H4C8: variants seen among roughly 807,000 people sequenced by gnomAD.
H4C8 encodes the protein histone H4.
A neutral mutation model predicts 6.0 loss-of-function variants in H4C8; 8 were observed. The observed-to-expected ratio is 1.33, with a 90% CI of 0.78 to 2.40. The LOEUF (loss-of-function observed/expected upper bound fraction) is 2.40, where lower values mean the gene tolerates loss of function less well. Ranked by LOEUF, H4C8 falls within the 30% of genes most tolerant of loss-of-function variation. The pLI is 0.00. For synonymous variants in H4C8, 118 were observed against 51.9 expected (o/e 2.27, Z -5.47); for missense variants, 211 against 143.4 (o/e 1.47, Z -2.41).
chr6:26,285,354 C>G lies in H4C8; in HGVS notation c.146G>C (p.Gly49Ala), dbSNP rs1760716499. The change falls in exon 1 of 1, where the codon GGC becomes GCC. Residue 49 changes from glycine to alanine, a missense_variant. Physicochemically the swap from Gly to Ala is moderately conservative, Grantham distance 60. Transcript: ENST00000377727. ...ARRGGVKRIS[G>A]LIYEETRGVL... The stretch of plus-strand genomic sequence containing the variant: ...ACCACGAGTCTCCTCATAGATAAGG[C>G]CAGAAATTCGCTTGACACCGCCGCG... 2 of 1,614,228 alleles carry G rather than the reference C, an allele frequency of 1.2e-6. No individual in the cohort carries two copies. The highest frequency in any genetic ancestry group is 1.3e-5 in the African/African-American group (1 of 75,062).
At position 26,285,389 on chromosome 6, in the gene H4C8, G is replaced by C; in HGVS notation, c.111C>G (p.Arg37=). 3.7e-6 allele frequency: 6 copies of C among 1,614,260 alleles called. No individual in the cohort carries two copies. The highest frequency in any genetic ancestry group is 5.1e-6 in the Non-Finnish European group (6 of 1,180,052). The change falls in exon 1 of 1, where the codon CGC becomes CGG. Residue 37 remains arginine (R), a synonymous_variant. Coordinates refer to ENST00000377727, the MANE Select transcript of H4C8 (RefSeq NM_003543.4). The part of the protein sequence containing the change: ...IQGITKPAIR[R]LARRGGVKRI... The stretch of plus-strand genomic sequence containing the variant: ...GCTTGACACCGCCGCGACGAGCAAG[G>C]CGCCGGATAGCTGGCTTAGTGATGC...
rs752731488 is a variant in H4C8, at chr6:26,285,442, G to A, written c.58C>T (p.Arg20Cys). Residue 20 changes from arginine (R) to cysteine (C), a missense_variant, in exon 1 of 1, where the codon CGC (arginine) becomes TGC (cysteine). Transcript: ENST00000377727. ...TGGATGTTATCGCGCAAAACCTTGCGATGACGCTTAGCTCCTCCCTTACCC... is the reference window on the plus strand; with the variant it reads ...TGGATGTTATCGCGCAAAACCTTGCAATGACGCTTAGCTCCTCCCTTACCC... ...GLGKGGAKRH[R>C]KVLRDNIQGI... is the part of the protein sequence containing the mutation. The A allele has an allele frequency of 3.7e-6, 6 of 1,614,052 alleles. No individual in the cohort carries two copies. The highest frequency in any genetic ancestry group is 4.2e-6 in the Non-Finnish European group (5 of 1,179,992).
chr6:26,285,528 G>GA lies in H4C8; in HGVS notation c.-30dup. On this transcript the variant is annotated 5_prime_UTR_variant, in exon 1 of 1. Transcript: ENST00000377727. ...TAAGCAACTTCTAAAACCAACTTAA[G>GA]AAACCTAAACGCCAAGGCAAAGCAA... 1 of 1,563,454 alleles carries GA rather than the reference G, an allele frequency of 6.4e-7. No homozygotes were observed. Among genetic ancestry groups the GA allele is most frequent in the Non-Finnish European group, 8.7e-7 (1 of 1,150,964 alleles).
chr6:26,285,340 C>T lies in H4C8; in HGVS notation c.160G>A (p.Glu54Lys). 1 of 1,614,226 alleles carries T rather than the reference C, an allele frequency of 6.2e-7. No individual in the cohort carries two copies. Among genetic ancestry groups the T allele is most frequent in the Non-Finnish European group, 8.5e-7 (1 of 1,180,050 alleles). ...AACACCTTCAGAACACCACGAGTCT[C>T]CTCATAGATAAGGCCAGAAATTCGC... is the stretch of plus-strand genomic sequence containing the variant. ...VKRISGLIYEETRGVLKVFLE... is the reference protein window; with the variant it reads ...VKRISGLIYEKTRGVLKVFLE... The change falls in exon 1 of 1, where the codon GAG becomes AAG. Residue 54 changes from glutamate to lysine, a missense_variant. Transcript: ENST00000377727.
In H4C8 at chr6:26,285,425, A is replaced by C. The variant is rs768333448; in HGVS notation, c.75T>G (p.Asp25Glu). Reference sequence around the variant, plus strand: ...CTGGCTTAGTGATGCCCTGGATGTTATCGCGCAAAACCTTGCGATGACGCT... The same window carrying C: ...CTGGCTTAGTGATGCCCTGGATGTTCTCGCGCAAAACCTTGCGATGACGCT... ...GAKRHRKVLR[D>E]NIQGITKPAI... The change falls in exon 1 of 1, where the codon GAT becomes GAG. Residue 25 changes from aspartate (D) to glutamate (E), a missense_variant. By Grantham distance (45) the Asp-to-Glu change is conservative (BLOSUM62 2). Coordinates refer to ENST00000377727, the MANE Select transcript of H4C8 (RefSeq NM_003543.4). 1 of 1,614,258 alleles carries C rather than the reference A, an allele frequency of 6.2e-7. No homozygotes were observed. Among genetic ancestry groups the C allele is most frequent in the Non-Finnish European group, 8.5e-7 (1 of 1,180,044 alleles).
chr6:26,285,481 C>G lies in H4C8; in HGVS notation c.19G>C (p.Gly7Arg), dbSNP rs200373070. The G allele has an allele frequency of 1.9e-6, 3 of 1,605,500 alleles. No individual in the cohort carries two copies. Among genetic ancestry groups the G allele is most frequent in the Middle Eastern group, 1.7e-4 (1 of 6,034 alleles). ...CCTCCCTTACCCAAACCTTTTCCAC[C>G]TTTACCACGGCCAGACATGACTAAG... Reference protein sequence around the residue: MSGRGKGGKGLGKGGAK... With the variant: MSGRGKRGKGLGKGGAK... Residue 7 changes from glycine to arginine, a missense_variant, in exon 1 of 1, where the codon GGT becomes CGT. Physicochemically the swap from Gly to Arg is moderately radical, Grantham distance 125 (BLOSUM62 -2). Coordinates refer to ENST00000377727, the MANE Select transcript of H4C8 (RefSeq NM_003543.4).
At position 26,285,285 on chromosome 6, in the gene H4C8, G is replaced by T. The variant is rs1027007503; in HGVS notation, c.215C>A (p.Thr72Asn). Residue 72 changes from threonine (T) to asparagine (N), a missense_variant, in exon 1 of 1, where the codon ACT (threonine) becomes AAT (asparagine). Physicochemically the swap from Thr to Asn is moderately conservative, Grantham distance 65. Coordinates refer to ENST00000377727, the MANE Select transcript of H4C8 (RefSeq NM_003543.4). ...CTTGCGTTTGGCGTGCTCTGTGTAA[G>T]TGACAGCGTCACGAATCACGTTCTC... ...FLENVIRDAVTYTEHAKRKTV... is the reference protein window; with the variant it reads ...FLENVIRDAVNYTEHAKRKTV... The T allele has an allele frequency of 6.2e-7, 1 of 1,614,242 alleles. No homozygotes were observed.
Position 26,285,398 on chromosome 6 carries a change from A to G in H4C8, c.102T>C (p.Ala34=). The change falls in exon 1 of 1, where the codon GCT becomes GCC. Residue 34 remains alanine, a synonymous_variant. Transcript: ENST00000377727. ...RDNIQGITKP[A]IRRLARRGGV... The stretch of plus-strand genomic sequence containing the variant: ...CGCCGCGACGAGCAAGGCGCCGGAT[A>G]GCTGGCTTAGTGATGCCCTGGATGT... 9 of 1,614,270 alleles carry G rather than the reference A, an allele frequency of 5.6e-6. No individual in the cohort carries two copies. The highest frequency in any genetic ancestry group is 1.1e-5 in the South Asian group (1 of 91,088).
At position 26,285,420 on chromosome 6, in the gene H4C8, A is replaced by G; in HGVS notation, c.80T>C (p.Ile27Thr). 4 of 1,614,238 alleles carry G rather than the reference A, an allele frequency of 2.5e-6. No homozygotes were observed. Among genetic ancestry groups the G allele is most frequent in the Non-Finnish European group, 3.4e-6 (4 of 1,180,028 alleles). Residue 27 changes from isoleucine to threonine, a missense_variant, in exon 1 of 1, where the codon ATC (isoleucine) becomes ACC (threonine). Coordinates refer to ENST00000377727, the MANE Select transcript of H4C8 (RefSeq NM_003543.4). ...KRHRKVLRDN[I>T]QGITKPAIRR... The stretch of plus-strand genomic sequence containing the variant: ...GATAGCTGGCTTAGTGATGCCCTGG[A>G]TGTTATCGCGCAAAACCTTGCGATG...
rs781430067 is a variant in H4C8, at chr6:26,285,251, T to C, written c.249A>G (p.Thr83=). ...TCAGCGCGTAGACCACATCCATTGC[T>C]GTCACGGTCTTGCGTTTGGCGTGCT... is the stretch of plus-strand genomic sequence containing the variant. The part of the protein sequence containing the change: ...YTEHAKRKTV[T]AMDVVYALKR... The change falls in exon 1 of 1, where the codon ACA becomes ACG. Residue 83 remains threonine (T), a synonymous_variant. Coordinates refer to ENST00000377727, the MANE Select transcript of H4C8 (RefSeq NM_003543.4). 1.2e-6 allele frequency: 2 copies of C among 1,613,896 alleles called. No homozygotes were observed. Among genetic ancestry groups the C allele is most frequent in the Non-Finnish European group, 1.7e-6 (2 of 1,179,860 alleles).
rs1472381758 is a variant in H4C8 at position 26,285,326 on chromosome 6, A to C, written c.174T>G (p.Val58=). ...TCACGTTCTCCAGGAACACCTTCAG[A>C]ACACCACGAGTCTCCTCATAGATAA... ...SGLIYEETRG[V]LKVFLENVIR... The change falls in exon 1 of 1, where the codon GTT becomes GTG. Residue 58 remains valine, a synonymous_variant. Coordinates refer to ENST00000377727, the MANE Select transcript of H4C8 (RefSeq NM_003543.4). The C allele has an allele frequency of 6.2e-7, 1 of 1,614,208 alleles. No homozygotes were observed. The highest frequency in any genetic ancestry group is 8.5e-7 in the Non-Finnish European group (1 of 1,180,038).
chr6:26,285,524 T>C lies in H4C8; in HGVS notation c.-25A>G. 1 of 1,565,506 alleles carries C rather than the reference T, an allele frequency of 6.4e-7. No homozygotes were observed. The highest frequency in any genetic ancestry group is 8.7e-7 in the Non-Finnish European group (1 of 1,151,800). The stretch of plus-strand genomic sequence containing the variant: ...TGACTAAGCAACTTCTAAAACCAAC[T>C]TAAGAAACCTAAACGCCAAGGCAAA... On this transcript the variant is annotated 5_prime_UTR_variant, in exon 1 of 1. Transcript: ENST00000377727.
At position 26,285,154 on chromosome 6, in the gene H4C8, G is replaced by T; in HGVS notation, c.*34C>A. ...GCGGCCCTGAAAAGGGCCTTTGGTT[G>T]AAAATGAAAATAAGAGTGCAGCAAG... is the stretch of plus-strand genomic sequence containing the variant. On this transcript the variant is annotated 3_prime_UTR_variant, in exon 1 of 1. Transcript: ENST00000377727. 6.5e-7 allele frequency: 1 copy of T among 1,535,366 alleles called. No individual in the cohort carries two copies. The highest frequency in any genetic ancestry group is 8.8e-7 in the Non-Finnish European group (1 of 1,138,820).
Position 26,285,257 on chromosome 6 carries a change from G to T in H4C8, c.243C>A (p.Thr81=), listed in dbSNP as rs77357982. 3 of 1,613,804 alleles carry T rather than the reference G, an allele frequency of 1.9e-6. No individual in the cohort carries two copies. Among genetic ancestry groups the T allele is most frequent in the African/African-American group, 1.3e-5 (1 of 74,924 alleles). The change falls in exon 1 of 1, where the codon ACC becomes ACA. Residue 81 remains threonine (T), a synonymous_variant. Coordinates refer to ENST00000377727, the MANE Select transcript of H4C8 (RefSeq NM_003543.4). ...VTYTEHAKRK[T]VTAMDVVYAL... ...CGTAGACCACATCCATTGCTGTCACGGTCTTGCGTTTGGCGTGCTCTGTGT... is the reference window on the plus strand; with the variant it reads ...CGTAGACCACATCCATTGCTGTCACTGTCTTGCGTTTGGCGTGCTCTGTGT...
In H4C8 at chr6:26,285,453, G is replaced by T. The variant is rs941941050; in HGVS notation, c.47C>A (p.Ala16Asp). 2 of 1,613,708 alleles carry T rather than the reference G, an allele frequency of 1.2e-6. No homozygotes were observed. Among genetic ancestry groups the T allele is most frequent in the Non-Finnish European group, 1.7e-6 (2 of 1,179,566 alleles). Residue 16 changes from alanine (A) to aspartate (D), a missense_variant, in exon 1 of 1, where the codon GCT becomes GAT. Coordinates refer to ENST00000377727, the MANE Select transcript of H4C8 (RefSeq NM_003543.4). ...GCGCAAAACCTTGCGATGACGCTTA[G>T]CTCCTCCCTTACCCAAACCTTTTCC... is the stretch of plus-strand genomic sequence containing the variant. ...KGGKGLGKGGAKRHRKVLRDN... is the reference protein window; with the variant it reads ...KGGKGLGKGGDKRHRKVLRDN...
Position 26,285,364 on chromosome 6 carries a change from G to T in H4C8, c.136C>A (p.Arg46=). The T allele has an allele frequency of 1.2e-6, 2 of 1,614,220 alleles. No individual in the cohort carries two copies. Among genetic ancestry groups the T allele is most frequent in the Non-Finnish European group, 1.7e-6 (2 of 1,180,054 alleles). ...TCCTCATAGATAAGGCCAGAAATTC[G>T]CTTGACACCGCCGCGACGAGCAAGG... ...RRLARRGGVK[R]ISGLIYEETR... The change falls in exon 1 of 1, where the codon CGA becomes AGA. Residue 46 remains arginine (R), a synonymous_variant. Transcript: ENST00000377727.
chr6:26,285,149 T>C lies in H4C8; in HGVS notation c.*39A>G, dbSNP rs1760706197. 6 of 1,531,704 alleles carry C rather than the reference T, an allele frequency of 3.9e-6. No homozygotes were observed. The highest frequency in any genetic ancestry group is 5.3e-6 in the Non-Finnish European group (6 of 1,137,250). 94.9% of individuals were successfully genotyped at this position (1,531,704 alleles called of 1,614,324 possible). On this transcript the variant is annotated 3_prime_UTR_variant, in exon 1 of 1. Coordinates refer to ENST00000377727, the MANE Select transcript of H4C8 (RefSeq NM_003543.4). ...AGTGGGCGGCCCTGAAAAGGGCCTT[T>C]GGTTGAAAATGAAAATAAGAGTGCA... is the stretch of plus-strand genomic sequence containing the variant.
In H4C8 at chr6:26,285,385, C is replaced by A. The variant is rs769287159; in HGVS notation, c.115G>T (p.Ala39Ser). 1.2e-6 allele frequency: 2 copies of A among 1,614,264 alleles called. No individual in the cohort carries two copies. The highest frequency in any genetic ancestry group is 1.1e-5 in the South Asian group (1 of 91,082). Residue 39 changes from alanine (A) to serine (S), a missense_variant, in exon 1 of 1, where the codon GCT becomes TCT. Coordinates refer to ENST00000377727, the MANE Select transcript of H4C8 (RefSeq NM_003543.4). ...ATTCGCTTGACACCGCCGCGACGAG[C>A]AAGGCGCCGGATAGCTGGCTTAGTG... The part of the protein sequence containing the change: ...GITKPAIRRL[A>S]RRGGVKRISG...
chr6:26,285,264 C>A lies in H4C8; in HGVS notation c.236G>T (p.Arg79Leu). Residue 79 changes from arginine (R) to leucine (L), a missense_variant, in exon 1 of 1, where the codon CGC becomes CTC. Coordinates refer to ENST00000377727, the MANE Select transcript of H4C8 (RefSeq NM_003543.4). ...CACATCCATTGCTGTCACGGTCTTG[C>A]GTTTGGCGTGCTCTGTGTAAGTGAC... Reference protein sequence around the residue: ...DAVTYTEHAKRKTVTAMDVVY... With the variant: ...DAVTYTEHAKLKTVTAMDVVY... 1 of 1,614,098 alleles carries A rather than the reference C, an allele frequency of 6.2e-7. No homozygotes were observed. Among genetic ancestry groups the A allele is most frequent in the South Asian group, 1.1e-5 (1 of 91,076 alleles).
Sources: allele counts gnomAD v4.1 joint callset, GRCh38; gene constraint gnomAD v4.1.1; transcripts MANE v1.5; gene names NCBI Gene and HGNC (gene_info 2026-07-23, HGNC 2026-07-21).